Variants in NELL1 observed in about 807,000 individuals in gnomAD.
NELL1 encodes the protein neural EGFL like 1.
In NELL1, 76 loss-of-function variants were observed where a neutral mutation model predicts 107.4. The observed-to-expected ratio is 0.71, with a 90% CI of 0.59 to 0.86. NELL1 has a LOEUF of 0.86. Among genes scored for constraint, NELL1 ranks in the 40% least tolerant of loss-of-function variants. NELL1 has a pLI of 0.00. For synonymous variants in NELL1, 353 were observed against 341.2 expected (o/e 1.03, Z -0.38); for missense variants, 1,024 against 1,005.5 (o/e 1.02, Z -0.25).
chr11:20,980,641 A>G (rs1477428764), intron 12 of NELL1, among the ~76,000 whole-genome samples: 1 of 152,186 alleles, frequency 6.6e-6, no homozygotes, highest in Non-Finnish European at 1.5e-5. Context: ...ATTTTTTAAG[A>G]TAGTAACTTG....
At chr11:20,838,264 TA>T (rs943920865) in intron 3 of NELL1, among the ~76,000 whole-genome samples, 3 of 149,700 alleles carry the variant, frequency 2.0e-5, no homozygotes, top group African/African-American at 7.4e-5. Flanking sequence ...GTCAAGGTCA[TA>T]AAAAAACAAG....
chr11:21,117,528 C>T (rs1436357690), intron 13 of NELL1, among the ~76,000 whole-genome samples: 2 of 151,976 alleles, frequency 1.3e-5, no homozygotes, highest in African/African-American at 4.8e-5. Context: ...GTCGTACCCA[C>T]AGGTTATAGT....
At chr11:21,210,858 T>A (rs2133860073) in intron 13 of NELL1, among the ~76,000 whole-genome samples, 1 of 152,328 alleles carries the variant, frequency 6.6e-6, no homozygotes, top group South Asian at 2.1e-4. Context: ...CCAATTCAGT[T>A]ACCTTTCTGG....
intron 14 of NELL1, among the ~76,000 whole-genome samples, chr11:21,232,144 A>T (rs1196025923): frequency 6.3e-4 from 21 of 33,324 alleles, no homozygotes; most frequent in East Asian, 3.9e-3. Flanking sequence ...TACTAAAAAA[A>T]AATAAAAAAA....
intron 1 of NELL1, among the ~76,000 whole-genome samples, chr11:20,674,133 T>C (rs533074354): frequency 6.6e-6 from 1 of 152,208 alleles, no homozygotes; most frequent in South Asian, 2.1e-4. Context: ...CTCCTTCACT[T>C]TTGAGTTGCG....
At chr11:21,488,474 T>C (rs1327569495) in intron 15 of NELL1, among the ~76,000 whole-genome samples, 8 of 152,054 alleles carry the variant, frequency 5.3e-5, no homozygotes, top group African/African-American at 1.7e-4. Context: ...ATTGGTGATA[T>C]CTGCAATTTC....
chr11:21,543,130 T>C (rs1289457305), intron 16 of NELL1, among the ~76,000 whole-genome samples: 1 of 151,994 alleles, frequency 6.6e-6, no homozygotes, highest in African/African-American at 2.4e-5. Flanking sequence ...GGATTTTCTC[T>C]CTATGCTAAA....
At chr11:20,871,715 G>A (rs986454624) in intron 4 of NELL1, among the ~76,000 whole-genome samples, 2 of 151,756 alleles carry the variant, frequency 1.3e-5, no homozygotes, top group East Asian at 1.9e-4. Context: ...ACTTTGCCTC[G>A]GAGATGCTTT....
intron 15 of NELL1, among the ~76,000 whole-genome samples, chr11:21,511,387 C>A (rs146916864): frequency 6.6e-6 from 1 of 152,178 alleles, no homozygotes; most frequent in African/African-American, 2.4e-5. Flanking sequence ...TCCAGAGAAG[C>A]GCCCTCCACT....
intron 12 of NELL1, among the ~76,000 whole-genome samples, chr11:21,043,113 G>A (rs1015074757): frequency 6.6e-6 from 1 of 152,124 alleles, no homozygotes; most frequent in Non-Finnish European, 1.5e-5. Context: ...ACTGAAGATG[G>A]ATGCAAGAAA....
At chr11:20,876,359 A>T (rs1849304137) in intron 4 of NELL1, among the ~76,000 whole-genome samples, 1 of 152,230 alleles carries the variant, frequency 6.6e-6, no homozygotes, top group Admixed American at 6.5e-5. Flanking sequence ...GGAGGAGACT[A>T]CAGAGTTCCT....
At chr11:21,368,462 C>A (rs1851283119) in intron 14 of NELL1, among the ~76,000 whole-genome samples, 1 of 151,528 alleles carries the variant, frequency 6.6e-6, no homozygotes, top group Non-Finnish European at 1.5e-5. Flanking sequence ...GTAGATTAAC[C>A]CACACTGTAA....
At chr11:20,773,830 TC>T (rs544884094) in intron 2 of NELL1, among the ~76,000 whole-genome samples, 249 of 152,190 alleles carry the variant, frequency 1.6e-3, no homozygotes, top group African/African-American at 5.6e-3. Context: ...CAGTGAGGCT[TC>T]AGAGCCTGAG....
At chr11:21,563,134 AAGTGGTTGTCTCTCTGG>A (rs1241697541) in intron 17 of NELL1, among the ~76,000 whole-genome samples, 1 of 152,030 alleles carries the variant, frequency 6.6e-6, no homozygotes, top group Admixed American at 6.6e-5. Flanking sequence ...CCCAGATGAA[AAGTGGTTGTCTCTCTGG>A]GATTGATCCA....
At chr11:21,350,821 C>T (rs1850792919) in intron 14 of NELL1, among the ~76,000 whole-genome samples, 1 of 152,052 alleles carries the variant, frequency 6.6e-6, no homozygotes, top group South Asian at 2.1e-4. Context: ...ATGAGTACAA[C>T]AAAGATTCCC....
chr11:20,725,557 G>T (rs922093908), intron 2 of NELL1, among the ~76,000 whole-genome samples: 2 of 152,088 alleles, frequency 1.3e-5, no homozygotes, highest in African/African-American at 2.4e-5. Context: ...GCATGAATCT[G>T]GGGTTTTATA....
chr11:21,370,492 A>T (rs546042840), intron 14 of NELL1, among the ~76,000 whole-genome samples: 1 of 152,104 alleles, frequency 6.6e-6, no homozygotes, highest in African/African-American at 2.4e-5. Flanking sequence ...AAAATAGTGA[A>T]CATTAGAAAG....
chr11:21,101,042 A>G (rs962802287), intron 12 of NELL1, among the ~76,000 whole-genome samples: 4 of 137,490 alleles, frequency 2.9e-5, no homozygotes, highest in Non-Finnish European at 6.0e-5. Flanking sequence ...TCCTGTGTCC[A>G]TGTGTTCTCA....
chr11:20,726,329 A>C (rs554996831), intron 2 of NELL1, among the ~76,000 whole-genome samples: 6 of 152,214 alleles, frequency 3.9e-5, no homozygotes, highest in Non-Finnish European at 7.3e-5. Flanking sequence ...TCATAAAGAA[A>C]TGTGTACAAA....
Sources: gnomAD v4.1 joint callset for allele counts (sites outside exome capture counted in the v4.1 genomes callset) on GRCh38, gnomAD v4.1.1 for gene constraint, MANE v1.5 for transcripts, NCBI Gene and HGNC (gene_info 2026-07-23, HGNC 2026-07-21) for gene names.